ZFX: variants seen among roughly 807,000 people sequenced by gnomAD.
ZFX encodes zinc finger X-chromosomal protein.
For synonymous variants in ZFX, 196 were observed against 226.8 expected (o/e 0.86, Z 1.22); for missense variants, 362 against 628.3 (o/e 0.58, Z 4.53).
In ZFX at chrX:24,212,894, T is replaced by C. The variant is rs1324850674; in HGVS notation, c.*1518T>C. The C allele has an allele frequency of 1.0e-5, 1 of 99,375 alleles. No homozygotes were observed. Among genetic ancestry groups the C allele is most frequent in the African/African-American group, 3.6e-5 (1 of 28,153 alleles). The allele number at this position is 99,375 out of a possible 1,213,427, so 8.2% of individuals were successfully genotyped here. On this transcript the variant is annotated 3_prime_UTR_variant, in exon 10 of 10. Transcript: ENST00000304543. ...ACAGGTTTTTTGTTTGTTTGTTTTT[T>C]TTTGTTGTTTTTTTTTCTTAAGACG...
At chrX:24,187,865 A>G (rs1178453585) in intron 5 of ZFX, among the ~76,000 whole-genome samples, 1 of 111,469 alleles carries the variant, frequency 9.0e-6, no homozygotes, top group Non-Finnish European at 1.9e-5. Context: ...AGATATAGAA[A>G]GTACTTTAGA....
At chrX:24,174,583 C>T (rs369637844) in intron 4 of ZFX, among the ~76,000 whole-genome samples, 24 of 109,055 alleles carry the variant, frequency 2.2e-4, no homozygotes, top group African/African-American at 6.7e-4. Flanking sequence ...TTTAGTAGAA[C>T]GGGGTTTCAC....
At position 24,164,659 on chromosome X, in the gene ZFX, C is replaced by T. The variant is rs140795176; in HGVS notation, c.-28-8056C>T. Reference sequence around the variant, plus strand: ...GTTTAAGAATATTTAGGGCTGGGCACGGTGCCTCACACCTGTAATCCCAGC... The same window carrying T: ...GTTTAAGAATATTTAGGGCTGGGCATGGTGCCTCACACCTGTAATCCCAGC... On this transcript the variant is annotated intron_variant, in intron 3 of 9. Transcript: ENST00000304543. Among the ~76,000 whole-genome samples, 776 of 111,191 alleles carry T rather than the reference C, an allele frequency of 7.0e-3. 5 individuals are homozygous for T. The highest frequency in any genetic ancestry group is 0.025 in the African/African-American group (759 of 30,602).
At chrX:24,185,019 G>A (rs1459528314) in intron 5 of ZFX, among the ~76,000 whole-genome samples, 1 of 111,631 alleles carries the variant, frequency 9.0e-6, no homozygotes, top group African/African-American at 3.3e-5. Context: ...TGGTGCCATC[G>A]CGGCTCACTA....
Position 24,193,907 on chromosome X carries a change from C to T in ZFX, c.647-13419C>T, listed in dbSNP as rs1936714660. ...CTGTTGAGCAACCATCAGTATCATCCATCCCCAGAACTCTTCATCTTGCAA... is the reference window on the plus strand; with the variant it reads ...CTGTTGAGCAACCATCAGTATCATCTATCCCCAGAACTCTTCATCTTGCAA... On this transcript the variant is annotated intron_variant, in intron 5 of 9. Transcript: ENST00000304543. Among the ~76,000 whole-genome samples the T allele has an allele frequency of 2.7e-5, 3 of 111,626 alleles. No individual in the cohort carries two copies. The Admixed American group carries it at 2.9e-4, about 11-fold the overall frequency.
intron 7 of ZFX, 46 bp from the exon 8 acceptor site, chrX:24,208,172 A>G: frequency 8.4e-7 from 1 of 1,193,099 alleles, no homozygotes; most frequent in Non-Finnish European, 1.1e-6. Context: ...GTTTCCTGTG[A>G]TCTCTGTAAA....
intron 4 of ZFX, among the ~76,000 whole-genome samples, chrX:24,177,486 G>A (rs376015151): frequency 3.6e-4 from 40 of 110,775 alleles, no homozygotes; most frequent in East Asian, 1.4e-3. Flanking sequence ...ACGGGAGGAG[G>A]CTAGATGGAG....
chrX:24,199,660 G>A (rs1158857544), intron 5 of ZFX, among the ~76,000 whole-genome samples: 1 of 111,456 alleles, frequency 9.0e-6, no homozygotes, highest in East Asian at 2.8e-4. Context: ...GCTCATGCCT[G>A]TAATCCCAGC....
chrX:24,183,065 A>T (rs1282609926), intron 5 of ZFX, among the ~76,000 whole-genome samples: 4 of 112,533 alleles, frequency 3.6e-5, no homozygotes, highest in African/African-American at 1.3e-4. Context: ...AAGCTGAAGG[A>T]TAATGGCAAA....
chrX:24,150,330 A>G (rs1206827342), intron 1 of ZFX, among the ~76,000 whole-genome samples: 1 of 100,676 alleles, frequency 9.9e-6, no homozygotes, highest in African/African-American at 3.7e-5. Context: ...GGGGTGGGAG[A>G]GCGGGCGGCG....
intron 5 of ZFX, 82 bp from the exon 6 acceptor site, chrX:24,207,244 A>ATTTT: frequency 3.5e-6 from 3 of 851,664 alleles, no homozygotes; most frequent in South Asian, 2.6e-5. Context: ...CAAAAAAAAA[A>ATTTT]ATTTTTTTTT....
In ZFX at chrX:24,210,819, C is replaced by G. The variant is rs750888389; in HGVS notation, c.1861C>G (p.Gln621Glu). 17 of 1,209,941 alleles carry G rather than the reference C, an allele frequency of 1.4e-5. No individual in the cohort carries two copies. The highest frequency in any genetic ancestry group is 1.9e-5 in the Non-Finnish European group (17 of 895,253). The change falls in exon 10 of 10, where the codon CAG becomes GAG. Residue 621 changes from glutamine to glutamate, a missense_variant. Gln to Glu is a conservative substitution (Grantham distance 29, BLOSUM62 2). Coordinates refer to ENST00000304543, the MANE Select transcript of ZFX (RefSeq NM_003410.4). ...LLTFSDTKEV[Q>E]QHALIHQESK... The stretch of plus-strand genomic sequence containing the variant: ...GACTTTCTCGGATACCAAAGAGGTG[C>G]AGCAACATGCTCTTATCCACCAAGA...
intron 5 of ZFX, among the ~76,000 whole-genome samples, chrX:24,198,890 C>G (rs1471208052): frequency 9.0e-6 from 1 of 111,364 alleles, no homozygotes; most frequent in African/African-American, 3.3e-5. Context: ...GGAGACAGGT[C>G]TAGAGTGGAG....
rs1455940609 is a variant in ZFX at position 24,207,155 on chromosome X, C to A, written c.647-171C>A. 1.4e-5 allele frequency: 6 copies of A among 440,143 alleles called. No individual in the cohort carries two copies. In the East Asian group the frequency reaches 1.8e-4, roughly 13 times the overall value. The allele number at this position is 440,143 out of a possible 1,213,427, so 36.3% of individuals were successfully genotyped here. A position where few individuals can be genotyped will look rare whatever the true frequency, so the allele number is the denominator to read the frequency against. Reference sequence around the variant, plus strand: ...GGCTGAGGCAGGAGAATGGCTTGAACCTGGGAGGCGGAGGTTGCAGTCAGT... The same window carrying A: ...GGCTGAGGCAGGAGAATGGCTTGAAACTGGGAGGCGGAGGTTGCAGTCAGT... On this transcript the variant is annotated intron_variant, in intron 5 of 9. Coordinates refer to ENST00000304543, the MANE Select transcript of ZFX (RefSeq NM_003410.4).
chrX:24,190,199 T>C (rs1936441468), intron 5 of ZFX, among the ~76,000 whole-genome samples: 1 of 111,990 alleles, frequency 8.9e-6, no homozygotes, highest in Admixed American at 9.5e-5. Flanking sequence ...GTATATTACC[T>C]CACATTCTTA....
At chrX:24,166,488 C>CTT (rs1249965803) in intron 3 of ZFX, among the ~76,000 whole-genome samples, 1 of 112,041 alleles carries the variant, frequency 8.9e-6, no homozygotes, top group Non-Finnish European at 1.9e-5. Context: ...GAGAATGGAA[C>CTT]TTGAATTACA....
intron 1 of ZFX, chrX:24,150,450 C>T (rs1171338312): frequency 4.4e-5 from 5 of 112,596 alleles, no homozygotes; most frequent in African/African-American, 1.6e-4. Context: ...CCATGATGAG[C>T]GCTCGGGCTC....
intron 3 of ZFX, 93 bp downstream of exon 3, chrX:24,152,923 G>T (rs1205251020): frequency 8.9e-6 from 1 of 112,242 alleles, no homozygotes; most frequent in African/African-American, 3.2e-5. Flanking sequence ...AAAACTGACT[G>T]GTGGAACACC....
At chrX:24,193,935 C>G (rs1037273820) in intron 5 of ZFX, among the ~76,000 whole-genome samples, 1 of 111,500 alleles carries the variant, frequency 9.0e-6, no homozygotes, top group African/African-American at 3.3e-5. Context: ...TCTTGCAAAA[C>G]AAACTCTCTA....
Sources: gnomAD v4.1 joint callset for allele counts (sites outside exome capture counted in the v4.1 genomes callset) on GRCh38, gnomAD v4.1.1 for gene constraint, MANE v1.5 for transcripts, NCBI Gene and HGNC (gene_info 2026-07-23, HGNC 2026-07-21) for gene names.